The following KCNH8 variants were observed in gnomAD, a reference collection of about 807,000 sequenced individuals.
The protein encoded by KCNH8 is potassium voltage-gated channel subfamily H member 8, also known as voltage-gated delayed rectifier potassium channel KCNH8.
Under a neutral mutation model 103.6 loss-of-function variants are expected in KCNH8, and 70 were observed. That is an observed-to-expected ratio of 0.68 (90% CI 0.56 to 0.82). The LOEUF (loss-of-function observed/expected upper bound fraction) is 0.82, where lower values mean the gene tolerates loss of function less well. KCNH8 is among the 40% of genes least tolerant of loss of function. The pLI, the probability that KCNH8 is intolerant of heterozygous loss-of-function variation, is 0.00. For missense variants in KCNH8, 1,217 were observed against 1,329.9 expected, an observed-to-expected ratio of 0.92 and a Z score of 1.32; for synonymous variants, 498 against 489.4, an observed-to-expected ratio of 1.02 and a Z score of -0.23.
At chr3:19,280,244 T>G (rs1256630045) in intron 2 of KCNH8, among the ~76,000 whole-genome samples, 1 of 152,130 alleles carries the variant, frequency 6.6e-6, no homozygotes, top group East Asian at 1.9e-4. Context: ...CATGGTTTTT[T>G]GCTCAAAAAT....
At chr3:19,501,119 C>G (rs2068573419) in intron 11 of KCNH8, among the ~76,000 whole-genome samples, 1 of 152,128 alleles carries the variant, frequency 6.6e-6, no homozygotes, top group Non-Finnish European at 1.5e-5. Flanking sequence ...CACAGAAATA[C>G]AAACTACCAT....
In KCNH8 at chr3:19,252,969, G is replaced by A. The variant is rs142839213; in HGVS notation, c.77-685G>A. 3.3e-5 allele frequency among the ~76,000 whole-genome samples: 5 copies of A among 152,220 alleles called. No individual in the cohort carries two copies. In the East Asian group the frequency reaches 9.7e-4, roughly 30 times the overall value. On this transcript the variant is annotated intron_variant, in intron 1 of 15. Coordinates refer to ENST00000328405, the MANE Select transcript of KCNH8 (RefSeq NM_144633.3). ...TAGCTTAAGTGGGTAGGTCAGAAGT[G>A]TCAACATATTGACATCCCAGGAGTG...
chr3:19,324,312 G>A (rs757859525), intron 3 of KCNH8, among the ~76,000 whole-genome samples: 14 of 152,126 alleles, frequency 9.2e-5, no homozygotes, highest in African/African-American at 1.2e-4. Context: ...TTACAATCAT[G>A]GCAGAAGGTA....
intron 7 of KCNH8, among the ~76,000 whole-genome samples, chr3:19,417,524 C>T (rs2066882341): frequency 6.6e-6 from 1 of 151,876 alleles, no homozygotes; most frequent in African/African-American, 2.4e-5. Context: ...AGATTTCCCA[C>T]ATAAAGATTT....
intron 15 of KCNH8, among the ~76,000 whole-genome samples, chr3:19,527,070 A>G (rs1342292242): frequency 6.6e-6 from 1 of 151,984 alleles, no homozygotes; most frequent in Non-Finnish European, 1.5e-5. Flanking sequence ...CATCCTTTAT[A>G]GAGAATTTTT....
chr3:19,520,302 G>A (rs996341669), intron 15 of KCNH8, among the ~76,000 whole-genome samples: 1 of 151,086 alleles, frequency 6.6e-6, no homozygotes, highest in Non-Finnish European at 1.5e-5. Context: ...AAATATCAAG[G>A]TCCAACTATT....
intron 11 of KCNH8, among the ~76,000 whole-genome samples, chr3:19,504,731 T>G (rs1033051334): frequency 4.0e-5 from 6 of 151,888 alleles, no homozygotes; most frequent in African/African-American, 1.5e-4. Flanking sequence ...TTGGTGGGAG[T>G]GTAAATTAGT....
intron 2 of KCNH8, among the ~76,000 whole-genome samples, chr3:19,262,662 G>A (rs13090112): frequency 1.3e-5 from 2 of 152,002 alleles, no homozygotes; most frequent in Non-Finnish European, 2.9e-5. Context: ...CAGCAAGAAT[G>A]TACTTTTAAA....
rs200940556 is a variant in KCNH8, at chr3:19,521,740, CATCTT to C, written c.2619+3673_2619+3677del. ...ATGGCAGATTAATGATATTTCAAAG[CATCTT>C]ATCTTAACTAGTTTGATTGTAATTG... On this transcript the variant is annotated intron_variant, in intron 15 of 15. Transcript: ENST00000328405. Among the ~76,000 whole-genome samples, 897 of 152,050 alleles carry C rather than the reference CATCTT, an allele frequency of 5.9e-3. 3 individuals are homozygous for C. The highest frequency in any genetic ancestry group is 0.014 in the African/African-American group (568 of 41,534).
rs2064861256 is a variant in KCNH8 at position 19,288,181 on chromosome 3, C to CTTTTTTTTTTTCTTTTTTTTTT, written c.442+6863_442+6864insCTTTTTTTTTTTTTTTTTTTTT. Among the ~76,000 whole-genome samples the CTTTTTTTTTTTCTTTTTTTTTT allele has an allele frequency of 6.8e-4, 26 of 38,174 alleles. 1 individual carries two copies. Among genetic ancestry groups the CTTTTTTTTTTTCTTTTTTTTTT allele is most frequent in the African/African-American group, 2.4e-3 (25 of 10,390 alleles). 25.0% of individuals were successfully genotyped at this position (38,174 alleles called of 152,430 possible). A position where few individuals can be genotyped will look rare whatever the true frequency, so the allele number is the denominator to read the frequency against. Reference sequence around the variant, plus strand: ...CTTCTTGCACCGGTGTATCAAACTTCTTTTTTTTTTTTTTTTTTTTTTTTT... The same window carrying CTTTTTTTTTTTCTTTTTTTTTT: ...CTTCTTGCACCGGTGTATCAAACTTCTTTTTTTTTTTCTTTTTTTTTTTTTTTTTTTTTTTTTTTTTTTTTTT... On this transcript the variant is annotated intron_variant, in intron 3 of 15. Coordinates refer to ENST00000328405, the MANE Select transcript of KCNH8 (RefSeq NM_144633.3).
intron 11 of KCNH8, among the ~76,000 whole-genome samples, chr3:19,502,122 C>A (rs1423163222): frequency 1.4e-4 from 20 of 147,210 alleles, no homozygotes; most frequent in Admixed American, 1.2e-3. Flanking sequence ...TTCTTATACA[C>A]CAACAACAGA....
chr3:19,353,291 T>A (rs565647485), intron 5 of KCNH8, among the ~76,000 whole-genome samples: 80 of 152,318 alleles, frequency 5.3e-4, no homozygotes, highest in African/African-American at 1.8e-3. Context: ...CACAGCCGAA[T>A]TCTACCAGAG....
intron 1 of KCNH8, among the ~76,000 whole-genome samples, chr3:19,198,026 A>G (rs1339389323): frequency 6.6e-6 from 1 of 152,034 alleles, no homozygotes; most frequent in African/African-American, 2.4e-5. Context: ...AGGTTTTCGG[A>G]AAGGTTGGAT....
chr3:19,354,394 T>C (rs1185328751), intron 5 of KCNH8, among the ~76,000 whole-genome samples: 2 of 152,154 alleles, frequency 1.3e-5, no homozygotes, highest in African/African-American at 4.8e-5. Context: ...AAAGTTCATA[T>C]GGAACCAAAA....
rs1480161178 is a variant in KCNH8, at chr3:19,510,429, T to G, written c.2079+28T>G. 6 of 1,404,730 alleles carry G rather than the reference T, an allele frequency of 4.3e-6. No individual in the cohort carries two copies. In the Admixed American group the frequency reaches 1.0e-4, roughly 24 times the overall value. The allele number at this position is 1,404,730 out of a possible 1,614,324, so 87.0% of individuals were successfully genotyped here. Reference sequence around the variant, plus strand: ...ATGGCTTTTGCTACACAGCAAAATATTTATCTAAAATCTGGAGGATTACCA... The same window carrying G: ...ATGGCTTTTGCTACACAGCAAAATAGTTATCTAAAATCTGGAGGATTACCA... On this transcript the variant is annotated intron_variant, in intron 12 of 15. Coordinates refer to ENST00000328405, the MANE Select transcript of KCNH8 (RefSeq NM_144633.3).
chr3:19,401,577 C>T (rs2066613301), intron 7 of KCNH8, among the ~76,000 whole-genome samples: 1 of 151,878 alleles, frequency 6.6e-6, no homozygotes, highest in Non-Finnish European at 1.5e-5. Context: ...TTCATAAGGG[C>T]TTCTAGAAAA....
chr3:19,320,060 T>C (rs1167978287), intron 3 of KCNH8, among the ~76,000 whole-genome samples: 1 of 151,980 alleles, frequency 6.6e-6, no homozygotes, highest in Non-Finnish European at 1.5e-5. Context: ...GTTTTTTGGA[T>C]GAATCTTTGG....
intron 3 of KCNH8, among the ~76,000 whole-genome samples, chr3:19,282,792 G>A (rs1437130566): frequency 6.6e-6 from 1 of 151,940 alleles, no homozygotes; most frequent in East Asian, 1.9e-4. Flanking sequence ...GTTTGAGAGA[G>A]CTCAATAAAA....
At chr3:19,218,810 A>G (rs2063842322) in intron 1 of KCNH8, among the ~76,000 whole-genome samples, 1 of 152,154 alleles carries the variant, frequency 6.6e-6, no homozygotes, top group African/African-American at 2.4e-5. Context: ...TTTGACTGGC[A>G]GAACAACTCC....
Sources: allele counts gnomAD v4.1 joint callset (sites outside exome capture counted in the v4.1 genomes callset), GRCh38; gene constraint gnomAD v4.1.1; transcripts MANE v1.5; gene names NCBI Gene and HGNC (gene_info 2026-07-23, HGNC 2026-07-21).